POLR3GL: variants seen among roughly 807,000 people sequenced by gnomAD.
POLR3GL encodes DNA-directed RNA polymerase III subunit RPC7-like.
A neutral mutation model predicts 32.4 loss-of-function variants in POLR3GL; 26 were observed. That is an observed-to-expected ratio of 0.80 (90% CI 0.59 to 1.11). The LOEUF (loss-of-function observed/expected upper bound fraction) is 1.11. POLR3GL is among the 50% of genes most tolerant of loss of function. The pLI is 0.00. For missense variants in POLR3GL, 229 were observed against 280.1 expected (o/e 0.82, Z 1.30); for synonymous variants, 95 against 98.7 (o/e 0.96, Z 0.22).
chr1:145,966,267 C>A (rs1246849051), intron 1 of POLR3GL, among the ~76,000 whole-genome samples: 1 of 150,972 alleles, frequency 6.6e-6, no homozygotes, highest in African/African-American at 2.4e-5. Context: ...ATCACTTTAG[C>A]CCAGGAGTTC....
At chr1:145,971,395 T>TCTCA (rs1200268392) in intron 1 of POLR3GL, among the ~76,000 whole-genome samples, 6 of 150,812 alleles carry the variant, frequency 4.0e-5, no homozygotes, top group Non-Finnish European at 8.8e-5. Context: ...GTGACGGGTT[T>TCTCA]CTCAGACTTT....
At chr1:145,964,891 T>G (rs1649950689) in intron 1 of POLR3GL, 123 bp downstream of exon 1, 1 of 152,208 alleles carries the variant, frequency 6.6e-6, no homozygotes. Context: ...CTACCGTTTC[T>G]CCCCTGGGCT....
At chr1:145,977,723 T>C (rs587682335) in intron 5 of POLR3GL, 55 bp from the exon 6 acceptor site, 3 of 1,540,996 alleles carry the variant, frequency 1.9e-6, no homozygotes, top group Middle Eastern at 1.7e-4. Flanking sequence ...GAGGATGGGC[T>C]ATAAAGCTGG....
intron 1 of POLR3GL, among the ~76,000 whole-genome samples, chr1:145,972,355 G>A (rs1650359953): frequency 6.6e-6 from 1 of 150,956 alleles, no homozygotes; most frequent in South Asian, 2.1e-4. Flanking sequence ...ACTCCAGCCT[G>A]GGCAATAAGA....
At chr1:145,967,497 G>A (rs1450135951) in intron 1 of POLR3GL, among the ~76,000 whole-genome samples, 5 of 152,054 alleles carry the variant, frequency 3.3e-5, no homozygotes, top group Non-Finnish European at 5.9e-5. Flanking sequence ...TTTGCCAGTT[G>A]CCTGTTCATG....
chr1:145,978,508 T>C lies in POLR3GL; in HGVS notation c.*61T>C. 1 of 1,088,952 alleles carries C rather than the reference T, an allele frequency of 9.2e-7. No homozygotes were observed. The highest frequency in any genetic ancestry group is 1.3e-5 in the South Asian group (1 of 76,498). The allele number at this position is 1,088,952 out of a possible 1,614,324, so 67.5% of individuals were successfully genotyped here. A position where few individuals can be genotyped will look rare whatever the true frequency, so the allele number is the denominator to read the frequency against. On this transcript the variant is annotated 3_prime_UTR_variant, in exon 8 of 8. Transcript: ENST00000369314. ...TACAGAGAGTAACTGTACCTATTAT[T>C]TGTTTCTTCAGACAAGCAAATCATT...
chr1:145,975,831 C>T (rs1650525569), intron 3 of POLR3GL, among the ~76,000 whole-genome samples: 1 of 152,090 alleles, frequency 6.6e-6, no homozygotes, highest in Admixed American at 6.5e-5. Flanking sequence ...GCCACTGCGC[C>T]CAGCAAAATT....
In POLR3GL at chr1:145,969,079, T is replaced by A. The variant is rs59309302; in HGVS notation, c.-42+4311T>A. Among the ~76,000 whole-genome samples, 1,383 of 152,220 alleles carry A rather than the reference T, an allele frequency of 9.1e-3. 21 individuals are homozygous for A. The highest frequency in any genetic ancestry group is 0.03 in the African/African-American group (1,245 of 41,536). On this transcript the variant is annotated intron_variant, in intron 1 of 7. Coordinates refer to ENST00000369314, the MANE Select transcript of POLR3GL (RefSeq NM_032305.3). ...TACAGATTATTAATCTCATTTAGTA[T>A]TCTGTTACGACATTTAAATTTTATT...
At chr1:145,967,102 A>C (rs1553762151) in intron 1 of POLR3GL, among the ~76,000 whole-genome samples, 3 of 151,784 alleles carry the variant, frequency 2.0e-5, no homozygotes, top group Non-Finnish European at 4.4e-5. Flanking sequence ...TTGAAAAAAA[A>C]CTCATGACAG....
chr1:145,977,590 C>A, intron 5 of POLR3GL, 51 bp downstream of exon 5: 1 of 1,546,106 alleles, frequency 6.5e-7, no homozygotes, highest in Non-Finnish European at 8.9e-7. Context: ...CTTCATCAGC[C>A]TGAGGGCCGA....
At chr1:145,968,248 C>T (rs1650124377) in intron 1 of POLR3GL, among the ~76,000 whole-genome samples, 1 of 152,160 alleles carries the variant, frequency 6.6e-6, no homozygotes, top group African/African-American at 2.4e-5. Flanking sequence ...ATTTTAACTC[C>T]ATCACAATCT....
chr1:145,970,925 G>A lies in POLR3GL; in HGVS notation c.-41-3900G>A, dbSNP rs587634110. Reference sequence around the variant, plus strand: ...AAAAATGCCGGGCGCAGTGGCTCATGCCTGTAATCTAGCACTTTGGGAGGC... The same window carrying A: ...AAAAATGCCGGGCGCAGTGGCTCATACCTGTAATCTAGCACTTTGGGAGGC... On this transcript the variant is annotated intron_variant, in intron 1 of 7. Transcript: ENST00000369314. 2.4e-5 allele frequency among the ~76,000 whole-genome samples: 3 copies of A among 122,480 alleles called. 1 individual carries two copies. The South Asian group carries it at 8.1e-4, about 33-fold the overall frequency. 80.4% of individuals were successfully genotyped at this position (122,480 alleles called of 152,430 possible). A position where few individuals can be genotyped will look rare whatever the true frequency, so the allele number is the denominator to read the frequency against.
intron 7 of POLR3GL, 94 bp from the exon 8 acceptor site, chr1:145,978,267 G>A: frequency 7.7e-7 from 1 of 1,298,514 alleles, no homozygotes; most frequent in Non-Finnish European, 1.1e-6. Context: ...GATGTCTCAG[G>A]CCTGGAATGG....
chr1:145,975,526 A>G (rs1650511819), intron 3 of POLR3GL, 90 bp downstream of exon 3: 2 of 1,436,760 alleles, frequency 1.4e-6, no homozygotes, highest in African/African-American at 1.4e-5. Flanking sequence ...GGGCACAGGA[A>G]GCATACTATC....
intron 1 of POLR3GL, among the ~76,000 whole-genome samples, chr1:145,966,287 C>T (rs1056908454): frequency 1.3e-5 from 2 of 149,662 alleles, no homozygotes; most frequent in African/African-American, 4.9e-5. Flanking sequence ...CAAGACCAGT[C>T]TAGGCAACAT....
chr1:145,976,564 G>A (rs1262895136), intron 3 of POLR3GL, among the ~76,000 whole-genome samples: 3 of 123,812 alleles, frequency 2.4e-5, no homozygotes, highest in African/African-American at 9.7e-5. Context: ...GCGACAGTGC[G>A]AGATTCTGTC....
chr1:145,971,983 AAAAAAAATAT>A (rs1470237714), intron 1 of POLR3GL, among the ~76,000 whole-genome samples: 6 of 124,326 alleles, frequency 4.8e-5, no homozygotes, highest in African/African-American at 1.4e-4. Context: ...AAAAAAAAAA[AAAAAAAATAT>A]ATATATATAT....
At chr1:145,975,949 C>T (rs1161744772) in intron 3 of POLR3GL, among the ~76,000 whole-genome samples, 5 of 151,160 alleles carry the variant, frequency 3.3e-5, no homozygotes, top group African/African-American at 1.2e-4. Context: ...CTTAATACAG[C>T]CATGCCTTTG....
chr1:145,973,653 A>C (rs1650419939), intron 1 of POLR3GL, among the ~76,000 whole-genome samples: 1 of 151,888 alleles, frequency 6.6e-6, no homozygotes, highest in Admixed American at 6.6e-5. Context: ...CAGAGGTTGC[A>C]GTGAGCCAAG....
Sources: allele counts gnomAD v4.1 joint callset (sites outside exome capture counted in the v4.1 genomes callset), GRCh38; gene constraint gnomAD v4.1.1; transcripts MANE v1.5; gene names NCBI Gene and HGNC (gene_info 2026-07-23, HGNC 2026-07-21).